The following GABRG3 variants were observed in gnomAD, a reference collection of about 807,000 sequenced individuals.
The protein encoded by GABRG3 is gamma-aminobutyric acid type A receptor subunit gamma3, also known as gamma-aminobutyric acid receptor subunit gamma-3.
A neutral mutation model predicts 48.8 loss-of-function variants in GABRG3; 25 were observed. The observed-to-expected ratio is 0.51, with a 90% CI of 0.37 to 0.72. The LOEUF (loss-of-function observed/expected upper bound fraction) is 0.72. Ranked by LOEUF, GABRG3 falls within the 30% of genes least tolerant of loss-of-function variation. The probability of loss-of-function intolerance (pLI) is 0.00; values close to 1 mark genes in which losing one functional copy is unlikely to be tolerated. For missense variants in GABRG3, 394 were observed against 577.9 expected, an observed-to-expected ratio of 0.68 and a Z score of 3.26; for synonymous variants, 227 against 217.6, an observed-to-expected ratio of 1.04 and a Z score of -0.38.
chr15:27,048,838 T>C (rs1346567102), intron 3 of GABRG3, among the ~76,000 whole-genome samples: 1 of 150,394 alleles, frequency 6.6e-6, no homozygotes, highest in African/African-American at 2.4e-5. Context: ...CTCCTAACCC[T>C]GACCATCTCT....
chr15:27,177,637 G>T (rs915211170), intron 3 of GABRG3, among the ~76,000 whole-genome samples: 1 of 152,328 alleles, frequency 6.6e-6, no homozygotes, highest in Admixed American at 6.5e-5. Context: ...GAGGTTAGAA[G>T]CAAGATGGAG....
chr15:27,101,192 CATA>C (rs2140364816), intron 3 of GABRG3, among the ~76,000 whole-genome samples: 1 of 152,238 alleles, frequency 6.6e-6, no homozygotes, highest in South Asian at 2.1e-4. Context: ...AAATTAAAAA[CATA>C]ATAGTTTTTA....
At chr15:27,283,660 G>A (rs1210518047) in intron 3 of GABRG3, among the ~76,000 whole-genome samples, 5 of 152,130 alleles carry the variant, frequency 3.3e-5, no homozygotes, top group Non-Finnish European at 7.3e-5. Flanking sequence ...TTTGGTGGGA[G>A]ATCAGTCTTC....
At chr15:27,016,782 T>C (rs1046947221) in intron 2 of GABRG3, among the ~76,000 whole-genome samples, 1 of 152,198 alleles carries the variant, frequency 6.6e-6, no homozygotes, top group African/African-American at 2.4e-5. Context: ...TCTGCTTTGC[T>C]TCACTCTTTT....
At chr15:27,146,925 A>G (rs1281012401) in intron 3 of GABRG3, among the ~76,000 whole-genome samples, 1 of 152,138 alleles carries the variant, frequency 6.6e-6, no homozygotes, top group Non-Finnish European at 1.5e-5. Flanking sequence ...GCAGATATAA[A>G]TTCTACCTTA....
intron 3 of GABRG3, among the ~76,000 whole-genome samples, chr15:27,171,523 T>TATATATATATAC (rs751842058): frequency 4.1e-5 from 6 of 147,040 alleles, no homozygotes; most frequent in Non-Finnish European, 9.0e-5. Context: ...TATATATATA[T>TATATATATATAC]ACATATACAG....
In GABRG3 at chr15:27,287,892, C is replaced by T. The variant is rs182036682; in HGVS notation, c.271-38917C>T. On this transcript the variant is annotated intron_variant, in intron 3 of 9. Coordinates refer to ENST00000615808, the MANE Select transcript of GABRG3 (RefSeq NM_033223.5). Reference sequence around the variant, plus strand: ...TAGCTGGGACTACAGGCACCCACCACCACACCTGGATAATTTTTTATATTT... The same window carrying T: ...TAGCTGGGACTACAGGCACCCACCATCACACCTGGATAATTTTTTATATTT... 7.4e-4 allele frequency among the ~76,000 whole-genome samples: 113 copies of T among 152,088 alleles called. 1 individual carries two copies. The highest frequency in any genetic ancestry group is 2.7e-3 in the African/African-American group (110 of 41,498).
chr15:27,023,993 T>C (rs915822950), intron 2 of GABRG3, among the ~76,000 whole-genome samples: 1 of 152,244 alleles, frequency 6.6e-6, no homozygotes, highest in African/African-American at 2.4e-5. Context: ...TTGTTGTGTT[T>C]GTTTGTTTTT....
At chr15:27,068,336 G>A (rs77103124) in intron 3 of GABRG3, among the ~76,000 whole-genome samples, 80 of 152,270 alleles carry the variant, frequency 5.3e-4, no homozygotes, top group African/African-American at 1.9e-3. Context: ...AGGAGCCTGC[G>A]GCTGGAGGAG....
At chr15:27,375,222 G>A (rs1428243795) in intron 5 of GABRG3, among the ~76,000 whole-genome samples, 2 of 152,060 alleles carry the variant, frequency 1.3e-5, no homozygotes, top group Non-Finnish European at 2.9e-5. Context: ...GTAAATGCTG[G>A]GAAGGGACAA....
chr15:27,303,998 T>C (rs2140495038), intron 3 of GABRG3, among the ~76,000 whole-genome samples: 1 of 151,958 alleles, frequency 6.6e-6, no homozygotes, highest in East Asian at 1.9e-4. Context: ...TGCGCGGTCA[T>C]AGAAATTTAA....
intron 3 of GABRG3, among the ~76,000 whole-genome samples, chr15:27,138,522 A>C (rs2140387997): frequency 6.6e-6 from 1 of 152,308 alleles, no homozygotes; most frequent in Middle Eastern, 3.4e-3. Context: ...ATGTCTCCAC[A>C]GAGTTCTTTA....
At chr15:27,258,021 T>C (rs1007813046) in intron 3 of GABRG3, among the ~76,000 whole-genome samples, 2 of 152,134 alleles carry the variant, frequency 1.3e-5, no homozygotes, top group African/African-American at 4.8e-5. Flanking sequence ...TATTTATATT[T>C]AAAGAACAAT....
Position 27,256,268 on chromosome 15 carries a change from C to CT in GABRG3, c.271-70541_271-70540insT, listed in dbSNP as rs760246211. ...CCATCCTGGCTAACATGGTGAAACC[C>CT]GTCTCTACTAAAAATACAAAAAATT... On this transcript the variant is annotated intron_variant, in intron 3 of 9. Transcript: ENST00000615808. 4.1e-3 allele frequency among the ~76,000 whole-genome samples: 624 copies of CT among 151,834 alleles called. 6 individuals are homozygous for CT. The highest frequency in any genetic ancestry group is 3.5e-3 in the Non-Finnish European group (237 of 67,918).
chr15:27,067,986 G>A (rs1896765860), intron 3 of GABRG3, among the ~76,000 whole-genome samples: 2 of 152,192 alleles, frequency 1.3e-5, no homozygotes, highest in African/African-American at 4.8e-5. Flanking sequence ...TAGCTAGTAA[G>A]TAGAGTGCAC....
chr15:27,532,852 G>A lies in GABRG3; in HGVS notation c.1375G>A (p.Val459Ile), dbSNP rs1891461511. The A allele has an allele frequency of 1.2e-6, 2 of 1,613,850 alleles. No individual in the cohort carries two copies. The highest frequency in any genetic ancestry group is 1.7e-6 in the Non-Finnish European group (2 of 1,179,876). ...FPTSFLLFNL[V>I]YWVGYLYL The stretch of plus-strand genomic sequence containing the variant: ...CACGTCCTTCCTGCTCTTTAACCTG[G>A]TCTACTGGGTTGGATACCTGTATCT... Residue 459 changes from valine to isoleucine, a missense_variant, in exon 10 of 10, where the codon GTC becomes ATC. Transcript: ENST00000615808.
intron 3 of GABRG3, among the ~76,000 whole-genome samples, chr15:27,207,148 G>A (rs1345238793): frequency 1.3e-5 from 2 of 152,134 alleles, no homozygotes; most frequent in African/African-American, 4.8e-5. Context: ...AGTGTCAGTG[G>A]TTTATCTCCT....
At chr15:27,151,911 G>A (rs1322889556) in intron 3 of GABRG3, among the ~76,000 whole-genome samples, 1 of 152,120 alleles carries the variant, frequency 6.6e-6, no homozygotes, top group Non-Finnish European at 1.5e-5. Context: ...CTAGTCCTTT[G>A]TTGGATATGT....
chr15:27,033,112 A>G (rs1259255948), intron 3 of GABRG3, among the ~76,000 whole-genome samples: 4 of 152,252 alleles, frequency 2.6e-5, no homozygotes, highest in Middle Eastern at 3.4e-3. Context: ...TGACATTCAT[A>G]TTCCCTGAAA....
Sources: allele counts gnomAD v4.1 joint callset (sites outside exome capture counted in the v4.1 genomes callset), GRCh38; gene constraint gnomAD v4.1.1; transcripts MANE v1.5; gene names NCBI Gene and HGNC (gene_info 2026-07-23, HGNC 2026-07-21).